DDX17: variants seen among roughly 807,000 people sequenced by gnomAD.
DDX17 encodes the protein DEAD-box helicase 17.
A neutral mutation model predicts 80.8 loss-of-function variants in DDX17; 10 were observed. The ratio of observed to expected loss-of-function variants is 0.12; its 90% CI spans 0.08 to 0.21. The LOEUF is 0.21. DDX17 is among the 10% of genes least tolerant of loss of function. The pLI, the probability that DDX17 is intolerant of heterozygous loss-of-function variation, is 1.00. For synonymous variants in DDX17, 339 were observed against 336.2 expected (o/e 1.01, Z -0.09); for missense variants, 586 against 957.4 (o/e 0.61, Z 5.12).
At position 38,486,344 on chromosome 22, in the gene DDX17, C is replaced by T; in HGVS notation, c.1781G>A (p.Gly594Asp). 1 of 1,614,198 alleles carries T rather than the reference C, an allele frequency of 6.2e-7. No homozygotes were observed. The highest frequency in any genetic ancestry group is 8.5e-7 in the Non-Finnish European group (1 of 1,180,046). The change falls in exon 13 of 13, where the codon GGT (glycine) becomes GAT (aspartate). Residue 594 changes from glycine to aspartate, a missense_variant. Physicochemically the swap from Gly to Asp is moderately conservative, Grantham distance 94. This residue lies in a region of DDX17 where 221 missense variants were observed against 261.4 expected (regional missense o/e 0.85). Coordinates refer to ENST00000403230, the MANE Select transcript of DDX17 (RefSeq NM_006386.5). The stretch of plus-strand genomic sequence containing the variant: ...ATAGCTTGCAGAGTCTCTCCGGCCA[C>T]CATCCTTGACTCCTCGAAGCCTTCG...
chr22:38,503,006 CAGG>C (rs756990624), intron 1 of DDX17, among the ~76,000 whole-genome samples: 18 of 152,120 alleles, frequency 1.2e-4, no homozygotes, highest in Non-Finnish European at 2.2e-4. Context: ...AAATTGATGG[CAGG>C]AGATTTTATT....
In DDX17 at chr22:38,495,811, G is replaced by C. The variant is rs377481633; in HGVS notation, c.865C>G (p.Arg289Gly). 6.3e-7 allele frequency: 1 copy of C among 1,596,414 alleles called. No homozygotes were observed. ...ATATTATTACCTCTTTCCAAGTCTC[G>C]AATCTGGGGACCTTTAGGAGCACCT... is the stretch of plus-strand genomic sequence containing the variant. The change falls in exon 6 of 13, where the codon CGA (arginine) becomes GGA (glycine). Residue 289 changes from arginine (R) to glycine (G), a missense_variant. Transcript: ENST00000403230.
chr22:38,498,334 TCTAA>T (rs1252443721), intron 4 of DDX17, 102 bp downstream of exon 4: 8 of 1,493,076 alleles, frequency 5.4e-6, no homozygotes, highest in African/African-American at 4.2e-5. Flanking sequence ...TAAAATAGTA[TCTAA>T]CTATCTGAAT....
intron 1 of DDX17, 47 bp downstream of exon 1, chr22:38,505,904 C>T (rs1349675068): frequency 2.6e-6 from 4 of 1,527,878 alleles, no homozygotes; most frequent in South Asian, 2.4e-5. Context: ...CAAGAAGCAA[C>T]TCCCCCACCC....
intron 11 of DDX17, chr22:38,490,497 C>CA (rs915534007): frequency 7.5e-5 from 92 of 1,221,336 alleles, no homozygotes; most frequent in Middle Eastern, 2.8e-4. Flanking sequence ...GTAGTTCAAA[C>CA]AAAAAAAAGG....
chr22:38,506,245 T>G lies in DDX17; in HGVS notation c.-8A>C, dbSNP rs1170603747. ...TACAAAGCCGGTGGGCAGGTTTGGC[T>G]ACGCTCAAACCGGGCAGTGCCGCGG... is the stretch of plus-strand genomic sequence containing the variant. On this transcript the variant is annotated 5_prime_UTR_variant, in exon 1 of 13. Transcript: ENST00000403230. The G allele has an allele frequency of 1.9e-6, 3 of 1,599,078 alleles. No homozygotes were observed. Among genetic ancestry groups the G allele is most frequent in the East Asian group, 2.3e-5 (1 of 44,000 alleles).
intron 11 of DDX17, chr22:38,490,070 A>C (rs1256348507): frequency 9.3e-6 from 10 of 1,071,950 alleles, no homozygotes; most frequent in Non-Finnish European, 1.1e-5. Flanking sequence ...GACATGATGC[A>C]AGTTCTTCAT....
At chr22:38,495,994 A>AG in intron 5 of DDX17, 57 bp from the exon 6 acceptor site, 2 of 1,404,724 alleles carry the variant, frequency 1.4e-6, no homozygotes, top group African/African-American at 1.5e-5. Context: ...AAAAAAAAAA[A>AG]AAAAAGAAGA....
chr22:38,505,898 A>C (rs1230372166), intron 1 of DDX17, 53 bp downstream of exon 1: 4 of 1,526,668 alleles, frequency 2.6e-6, no homozygotes, highest in Non-Finnish European at 2.6e-6. Context: ...CCTCCCCAAG[A>C]AGCAACTCCC....
rs2089625236 is a variant in DDX17 at position 38,483,733 on chromosome 22, A to T, written c.*2202T>A. 6.6e-6 allele frequency: 1 copy of T among 152,306 alleles called. No homozygotes were observed. The highest frequency in any genetic ancestry group is 1.5e-5 in the Non-Finnish European group (1 of 68,022). 9.4% of individuals were successfully genotyped at this position (152,306 alleles called of 1,614,324 possible). A position where few individuals can be genotyped will look rare whatever the true frequency, so the allele number is the denominator to read the frequency against. ...AGCAGCCCATTGCTTAATACATTGG[A>T]ACCCTTTCCCTAAGTTGAGTTTCAA... On this transcript the variant is annotated 3_prime_UTR_variant, in exon 13 of 13. Coordinates refer to ENST00000403230, the MANE Select transcript of DDX17 (RefSeq NM_006386.5).
chr22:38,485,985 C>T lies in DDX17; in HGVS notation c.2140G>A (p.Ala714Thr), dbSNP rs1427070365. The change falls in exon 13 of 13, where the codon GCC becomes ACC. Residue 714 changes from alanine to threonine, a missense_variant. Ala to Thr is a moderately conservative substitution (Grantham distance 58, BLOSUM62 0). Around this residue, in one of 4 missense-constraint regions of DDX17, gnomAD observed 221 missense variants for 261.4 expected, o/e 0.85. Coordinates refer to ENST00000403230, the MANE Select transcript of DDX17 (RefSeq NM_006386.5). Reference sequence around the variant, plus strand: ...GGAGGAGGAGGAGGGTATTGGTAGGCAGTCTGCCCCATGTAACCTATCATA... The same window carrying T: ...GGAGGAGGAGGAGGGTATTGGTAGGTAGTCTGCCCCATGTAACCTATCATA... 4 of 1,613,708 alleles carry T rather than the reference C, an allele frequency of 2.5e-6. No homozygotes were observed. Among genetic ancestry groups the T allele is most frequent in the Middle Eastern group, 1.6e-4 (1 of 6,068 alleles).
At chr22:38,498,249 A>T (rs1227809273) in intron 4 of DDX17, 99 bp from the exon 5 acceptor site, 1 of 1,467,348 alleles carries the variant, frequency 6.8e-7, no homozygotes, top group African/African-American at 1.4e-5. Flanking sequence ...GGAAAGTGAA[A>T]AACAGAACTT....
chr22:38,486,547 T>C, intron 12 of DDX17, 107 bp from the exon 13 acceptor site: 12 of 1,417,130 alleles, frequency 8.5e-6, no homozygotes, highest in Non-Finnish European at 1.1e-5. Flanking sequence ...TCCTTGATAT[T>C]TAGTTATGCT....
chr22:38,488,434 C>G, intron 11 of DDX17: 1 of 1,213,092 alleles, frequency 8.2e-7, no homozygotes, highest in Non-Finnish European at 1.0e-6. Flanking sequence ...CAATATTGGT[C>G]TTCAGACGCA....
intron 12 of DDX17, among the ~76,000 whole-genome samples, chr22:38,487,623 CAA>C (rs2089673302): frequency 6.6e-6 from 1 of 151,906 alleles, no homozygotes; most frequent in Non-Finnish European, 1.5e-5. Flanking sequence ...CGTCTCAAAA[CAA>C]ACAAACAAAC....
intron 1 of DDX17, chr22:38,505,727 C>G (rs530886793): frequency 1.9e-6 from 1 of 539,276 alleles, no homozygotes; most frequent in Non-Finnish European, 3.2e-6. Context: ...CCACGACGGC[C>G]GTCCGCACGG....
intron 8 of DDX17, 121 bp downstream of exon 8, chr22:38,494,509 C>T: frequency 1.2e-6 from 1 of 853,952 alleles, no homozygotes; most frequent in Non-Finnish European, 1.8e-6. Flanking sequence ...TATCAGAAAC[C>T]TAGCAATGCT....
chr22:38,492,159 C>T (rs372928514), intron 10 of DDX17, 44 bp from the exon 11 acceptor site: 3 of 1,512,196 alleles, frequency 2.0e-6, no homozygotes, highest in Admixed American at 1.8e-5. Flanking sequence ...GCATTCCTTG[C>T]TATCTGATCT....
At position 38,489,059 on chromosome 22, in the gene DDX17, G is replaced by A. The variant is rs1031329803; in HGVS notation, c.1448-944C>T. On this transcript the variant is annotated intron_variant, in intron 11 of 12. Transcript: ENST00000403230. The surrounding 1 kb of genome is among the most constrained non-coding windows in gnomAD (Gnocchi z 4.6). ...GTTAGTGTAATGCTTTCAGCTGAAT[G>A]TATATTTTTACCTACTTAAACAAAC... is the stretch of plus-strand genomic sequence containing the variant. 4.1e-6 allele frequency: 4 copies of A among 984,188 alleles called. No individual in the cohort carries two copies. Among genetic ancestry groups the A allele is most frequent in the Non-Finnish European group, 4.8e-6 (4 of 828,910 alleles). The allele number at this position is 984,188 out of a possible 1,614,324, so 61.0% of individuals were successfully genotyped here.
Sources: allele counts gnomAD v4.1 joint callset (sites outside exome capture counted in the v4.1 genomes callset), GRCh38; gene constraint gnomAD v4.1.1; regional missense constraint gnomAD v4.1.1; non-coding constraint Gnocchi (gnomAD v3.1); transcripts MANE v1.5; gene names NCBI Gene and HGNC (gene_info 2026-07-23, HGNC 2026-07-21).